The following ARL6IP6 variants were observed in gnomAD, a reference collection of about 807,000 sequenced individuals.
ARL6IP6 encodes the protein ADP-ribosylation factor-like protein 6-interacting protein 6.
A neutral mutation model predicts 21.5 loss-of-function variants in ARL6IP6; 22 were observed. That is an observed-to-expected ratio of 1.02 (90% CI 0.73 to 1.46). The LOEUF (loss-of-function observed/expected upper bound fraction) is 1.46, where lower values mean the gene tolerates loss of function less well. Among genes scored for constraint, ARL6IP6 ranks in the 40% most tolerant of loss-of-function variants. ARL6IP6 has a pLI of 0.00. For synonymous variants in ARL6IP6, 164 were observed against 125.3 expected (o/e 1.31, Z -2.06); for missense variants, 388 against 299.8 (o/e 1.29, Z -2.17).
At chr2:152,758,768 A>G (rs902950194) in intron 3 of ARL6IP6, among the ~76,000 whole-genome samples, 18 of 152,146 alleles carry the variant, frequency 1.2e-4, no homozygotes, top group African/African-American at 4.3e-4. Context: ...GACTGGAATC[A>G]CTATGAGGTG....
chr2:152,748,128 CAT>C (rs1701144726), intron 3 of ARL6IP6, among the ~76,000 whole-genome samples: 1 of 152,120 alleles, frequency 6.6e-6, no homozygotes, highest in African/African-American at 2.4e-5. Flanking sequence ...GAGGCAAAGT[CAT>C]GTGTGTTATT....
At chr2:152,747,556 CAT>C (rs1459693083) in intron 3 of ARL6IP6, among the ~76,000 whole-genome samples, 1 of 151,948 alleles carries the variant, frequency 6.6e-6, no homozygotes, top group African/African-American at 2.4e-5. Flanking sequence ...ACTCCTTACT[CAT>C]TTCTCTCTCT....
At chr2:152,721,130 G>T (rs1699771755) in intron 2 of ARL6IP6, among the ~76,000 whole-genome samples, 1 of 152,162 alleles carries the variant, frequency 6.6e-6, no homozygotes. Flanking sequence ...ACTGGTATGT[G>T]TATGTACCAC....
At chr2:152,755,841 A>T (rs1164434408) in intron 3 of ARL6IP6, among the ~76,000 whole-genome samples, 3 of 152,166 alleles carry the variant, frequency 2.0e-5, no homozygotes, top group African/African-American at 2.4e-5. Flanking sequence ...CATCTCCACA[A>T]ATGGGGAGAA....
Position 152,762,101 on chromosome 2 carries a change from C to T in ARL6IP6, c.*2261C>T, listed in dbSNP as rs1320470714. Among the ~76,000 whole-genome samples, 1 of 152,006 alleles carries T rather than the reference C, an allele frequency of 6.6e-6. No individual in the cohort carries two copies. The highest frequency in any genetic ancestry group is 2.4e-5 in the African/African-American group (1 of 41,394). Reference sequence around the variant, plus strand: ...GGCAAGGATAGTCACCTAACTCTGGCTGAGCTAATCCTAATCTCATTTTGC... The same window carrying T: ...GGCAAGGATAGTCACCTAACTCTGGTTGAGCTAATCCTAATCTCATTTTGC... On this transcript the variant is annotated 3_prime_UTR_variant, in exon 4 of 4. Transcript: ENST00000326446.
chr2:152,719,121 C>A, intron 1 of ARL6IP6, 97 bp downstream of exon 1: 1 of 1,344,028 alleles, frequency 7.4e-7, no homozygotes, highest in Non-Finnish European at 9.8e-7. Flanking sequence ...GCGCTAAGCC[C>A]TCAGGCTGGC....
chr2:152,749,333 A>ACACG (rs766249691), intron 3 of ARL6IP6, among the ~76,000 whole-genome samples: 20 of 151,488 alleles, frequency 1.3e-4, no homozygotes, highest in East Asian at 5.9e-4. Flanking sequence ...ACACACACAC[A>ACACG]CACGCACGCA....
In ARL6IP6 at chr2:152,761,249, A is replaced by ATGTGTGTGTGTGTG. The variant is rs34629315; in HGVS notation, c.*1415_*1428dup. 1 of 150,688 alleles carries ATGTGTGTGTGTGTG rather than the reference A, an allele frequency of 6.6e-6. No individual in the cohort carries two copies. Among genetic ancestry groups the ATGTGTGTGTGTGTG allele is most frequent in the Non-Finnish European group, 1.5e-5 (1 of 67,586 alleles). The allele number at this position is 150,688 out of a possible 1,614,324, so 9.3% of individuals were successfully genotyped here. ...ACTGCTCCAATTTAAATTATCTGAA[A>ATGTGTGTGTGTGTG]TGTGTGTGTGTGTGTGTGTATCTAA... On this transcript the variant is annotated 3_prime_UTR_variant, in exon 4 of 4. Coordinates refer to ENST00000326446, the MANE Select transcript of ARL6IP6 (RefSeq NM_152522.7).
At chr2:152,718,386 T>G, upstream of ARL6IP6, 1 of 472,086 alleles carries the variant, frequency 2.1e-6, no homozygotes, top group East Asian at 3.7e-5. Flanking sequence ...CCCTGCGCGC[T>G]TTCCTGCTCC....
At chr2:152,725,125 C>G (rs1699979603) in intron 2 of ARL6IP6, among the ~76,000 whole-genome samples, 1 of 152,060 alleles carries the variant, frequency 6.6e-6, no homozygotes. Context: ...TAGGGATCTT[C>G]AAAAGAATAA....
chr2:152,740,522 C>CAAAATAT (rs534520158), intron 3 of ARL6IP6, among the ~76,000 whole-genome samples: 9 of 150,546 alleles, frequency 6.0e-5, no homozygotes, highest in Admixed American at 3.3e-4. Context: ...CAAATGAATA[C>CAAAATAT]AAAATATAAA....
upstream of ARL6IP6, chr2:152,717,748 G>C: frequency 7.7e-7 from 1 of 1,307,114 alleles, no homozygotes; most frequent in Non-Finnish European, 9.8e-7. Flanking sequence ...CCCGAGCTTA[G>C]ACCGCCTCAC....
chr2:152,724,318 A>G (rs1042902648), intron 2 of ARL6IP6, among the ~76,000 whole-genome samples: 1 of 152,206 alleles, frequency 6.6e-6, no homozygotes, highest in Non-Finnish European at 1.5e-5. Flanking sequence ...CAATAACACC[A>G]TTTATTGCAC....
chr2:152,718,397 C>A, upstream of ARL6IP6: 2 of 509,864 alleles, frequency 3.9e-6, 1 homozygote, highest in South Asian at 1.3e-4. Flanking sequence ...TTCCTGCTCC[C>A]CTTTCCGGCT....
intron 3 of ARL6IP6, among the ~76,000 whole-genome samples, chr2:152,747,665 C>T (rs377210110): frequency 1.2e-4 from 18 of 151,980 alleles, no homozygotes; most frequent in African/African-American, 2.2e-4. Context: ...AACCTCCACC[C>T]GCTGGGTTCA....
intron 2 of ARL6IP6, among the ~76,000 whole-genome samples, chr2:152,731,126 A>G (rs1477926402): frequency 6.6e-6 from 1 of 152,132 alleles, no homozygotes; most frequent in East Asian, 1.9e-4. Flanking sequence ...ATATCTGTAC[A>G]CTGGTTTCTG....
intron 3 of ARL6IP6, among the ~76,000 whole-genome samples, chr2:152,751,064 C>T (rs1290369055): frequency 1.3e-5 from 2 of 151,922 alleles, no homozygotes; most frequent in Admixed American, 1.3e-4. Flanking sequence ...TTGTTTTTTT[C>T]TTTTACCTCA....
At chr2:152,730,768 G>C (rs1700271210) in intron 2 of ARL6IP6, among the ~76,000 whole-genome samples, 2 of 152,094 alleles carry the variant, frequency 1.3e-5, no homozygotes, top group African/African-American at 4.8e-5. Flanking sequence ...ATGACCATGT[G>C]GTGTTTCTAT....
intron 3 of ARL6IP6, among the ~76,000 whole-genome samples, chr2:152,755,759 G>A (rs892383109): frequency 2.0e-5 from 3 of 152,160 alleles, no homozygotes; most frequent in Admixed American, 6.5e-5. Flanking sequence ...GCGAATTGGT[G>A]GTAGTGGTCC....
Sources: gnomAD v4.1 joint callset for allele counts (sites outside exome capture counted in the v4.1 genomes callset) on GRCh38, gnomAD v4.1.1 for gene constraint, MANE v1.5 for transcripts, NCBI Gene and HGNC (gene_info 2026-07-23, HGNC 2026-07-21) for gene names.